The following THSD4 variants were observed in gnomAD, a reference collection of about 807,000 sequenced individuals.
The protein encoded by THSD4 is thrombospondin type 1 domain containing 4, also known as thrombospondin type-1 domain-containing protein 4.
A neutral mutation model predicts 119.0 loss-of-function variants in THSD4; 69 were observed. That is an observed-to-expected ratio of 0.58 (90% CI 0.48 to 0.71). The LOEUF (loss-of-function observed/expected upper bound fraction) is 0.71, where lower values mean the gene tolerates loss of function less well. Ranked by LOEUF, THSD4 falls within the 30% of genes least tolerant of loss-of-function variation. The probability of loss-of-function intolerance (pLI) is 0.00; values close to 1 mark genes in which losing one functional copy is unlikely to be tolerated. For missense variants in THSD4, 1,393 were observed against 1,391.1 expected (o/e 1.00, Z -0.02); for synonymous variants, 524 against 540.4 (o/e 0.97, Z 0.42).
intron 6 of THSD4, among the ~76,000 whole-genome samples, chr15:71,282,220 G>C (rs912697515): frequency 1.3e-5 from 2 of 152,066 alleles, no homozygotes; most frequent in Non-Finnish European, 1.5e-5. Flanking sequence ...TGTTCTCTCT[G>C]TGGACTATTG....
At chr15:71,173,834 T>C (rs2043410122) in intron 3 of THSD4, among the ~76,000 whole-genome samples, 2 of 151,992 alleles carry the variant, frequency 1.3e-5, no homozygotes, top group African/African-American at 4.8e-5. Context: ...TGGAATAGAA[T>C]AGAGAGCCCA....
chr15:71,705,831 G>C (rs1171269507), intron 8 of THSD4, among the ~76,000 whole-genome samples: 3 of 152,168 alleles, frequency 2.0e-5, no homozygotes, highest in African/African-American at 7.2e-5. Context: ...CATATAATGA[G>C]GGAGATAAGT....
intron 6 of THSD4, among the ~76,000 whole-genome samples, chr15:71,337,042 T>C (rs1222557454): frequency 6.6e-6 from 1 of 152,068 alleles, no homozygotes; most frequent in Non-Finnish European, 1.5e-5. Flanking sequence ...TGCATGCATG[T>C]GCTTTGTTTT....
At chr15:71,509,202 A>C (rs1386724936) in intron 7 of THSD4, among the ~76,000 whole-genome samples, 1 of 152,182 alleles carries the variant, frequency 6.6e-6, no homozygotes, top group Non-Finnish European at 1.5e-5. Context: ...CTACCTCCAG[A>C]ATGAAGAACA....
intron 7 of THSD4, among the ~76,000 whole-genome samples, chr15:71,533,417 C>T (rs1401721878): frequency 6.6e-6 from 1 of 152,128 alleles, no homozygotes; most frequent in Non-Finnish European, 1.5e-5. Context: ...CACATCAATA[C>T]AGCATACACC....
chr15:71,706,468 A>C (rs2141082057), intron 8 of THSD4, among the ~76,000 whole-genome samples: 1 of 152,324 alleles, frequency 6.6e-6, no homozygotes, highest in South Asian at 2.1e-4. Flanking sequence ...AGTTCAGGAC[A>C]AAAGATATAA....
At position 71,633,269 on chromosome 15, in the gene THSD4, C is replaced by CTTTT. The variant is rs67682951; in HGVS notation, c.1153-27241_1153-27238dup. On this transcript the variant is annotated intron_variant, in intron 7 of 17. Transcript: ENST00000261862. ...TTCTTTTCTTTTTCTTTCTTTCTTT[C>CTTTT]TTTTTTTTTTTTTTTTTTTTTTTGG... Among the ~76,000 whole-genome samples, 358 of 63,090 alleles carry CTTTT rather than the reference C, an allele frequency of 5.7e-3. 1 individual carries two copies. The highest frequency in any genetic ancestry group is 0.012 in the African/African-American group (206 of 17,502). 41.4% of individuals were successfully genotyped at this position (63,090 alleles called of 152,430 possible). A position where few individuals can be genotyped will look rare whatever the true frequency, so the allele number is the denominator to read the frequency against.
At chr15:71,503,572 A>G (rs1472584590) in intron 7 of THSD4, among the ~76,000 whole-genome samples, 1 of 152,174 alleles carries the variant, frequency 6.6e-6, no homozygotes, top group Non-Finnish European at 1.5e-5. Context: ...TCACTGCAGC[A>G]TGCTGAGAAA....
intron 8 of THSD4, among the ~76,000 whole-genome samples, chr15:71,691,868 T>A (rs907973215): frequency 3.9e-5 from 6 of 152,200 alleles, no homozygotes; most frequent in African/African-American, 1.4e-4. Context: ...CATGAGAGAT[T>A]GGCATAGCGT....
chr15:71,163,975 A>G (rs71233590), intron 3 of THSD4, among the ~76,000 whole-genome samples: 15,702 of 151,704 alleles, frequency 0.1, 1,175 homozygotes, highest in East Asian at 0.45. Flanking sequence ...ATACTTTTCT[A>G]TTAGTCCTTC....
At chr15:71,286,625 G>C (rs770797747) in intron 6 of THSD4, among the ~76,000 whole-genome samples, 5 of 152,180 alleles carry the variant, frequency 3.3e-5, no homozygotes, top group Non-Finnish European at 7.3e-5. Flanking sequence ...GCATGCATGT[G>C]TCTTTATAAC....
At chr15:71,250,549 A>G (rs1223077554) in intron 5 of THSD4, among the ~76,000 whole-genome samples, 1 of 152,078 alleles carries the variant, frequency 6.6e-6, no homozygotes, top group East Asian at 1.9e-4. Flanking sequence ...GAACTTCTGC[A>G]CTCAAACATG....
intron 7 of THSD4, among the ~76,000 whole-genome samples, chr15:71,541,353 G>A (rs1186253271): frequency 2.0e-5 from 3 of 152,180 alleles, no homozygotes; most frequent in South Asian, 4.1e-4. Context: ...CCAGTGCTCA[G>A]TATTTGTGCA....
At chr15:71,264,114 G>A (rs1440900171) in intron 6 of THSD4, among the ~76,000 whole-genome samples, 8 of 152,204 alleles carry the variant, frequency 5.3e-5, no homozygotes, top group African/African-American at 1.4e-4. Context: ...GGCAGGGGGC[G>A]CTGTCAGATA....
intron 6 of THSD4, among the ~76,000 whole-genome samples, chr15:71,328,860 T>G (rs913480365): frequency 6.6e-6 from 1 of 152,216 alleles, no homozygotes; most frequent in Non-Finnish European, 1.5e-5. Flanking sequence ...TGTGGTATTG[T>G]GAAAAAAGCA....
intron 2 of THSD4, among the ~76,000 whole-genome samples, chr15:71,150,968 A>C (rs1432976603): frequency 6.6e-6 from 1 of 152,204 alleles, no homozygotes; most frequent in Non-Finnish European, 1.5e-5. Context: ...GTGACAAAAC[A>C]AACTCCCTGA....
intron 3 of THSD4, among the ~76,000 whole-genome samples, chr15:71,199,493 GTGTGGT>G (rs2043751538): frequency 2.0e-5 from 3 of 148,742 alleles, no homozygotes; most frequent in African/African-American, 7.5e-5. Flanking sequence ...TGTGGGGTGT[GTGTGGT>G]GTGTGTGTGT....
chr15:71,296,539 G>C (rs946459918), intron 6 of THSD4, among the ~76,000 whole-genome samples: 125 of 152,246 alleles, frequency 8.2e-4, no homozygotes, highest in African/African-American at 2.7e-3. Context: ...TTTGTCTTTG[G>C]ATCAGAGAAT....
At chr15:71,699,513 A>G (rs967969998) in intron 8 of THSD4, among the ~76,000 whole-genome samples, 5 of 152,190 alleles carry the variant, frequency 3.3e-5, no homozygotes, top group Non-Finnish European at 5.9e-5. Context: ...GTTTCTCTGC[A>G]TTAGACATTT....
Sources: allele counts gnomAD v4.1 joint callset (sites outside exome capture counted in the v4.1 genomes callset), GRCh38; gene constraint gnomAD v4.1.1; transcripts MANE v1.5; gene names NCBI Gene and HGNC (gene_info 2026-07-23, HGNC 2026-07-21).